The following TM7SF2 variants were observed in gnomAD, a reference collection of about 807,000 sequenced individuals.
TM7SF2 encodes delta(14)-sterol reductase TM7SF2.
In TM7SF2, 51 loss-of-function variants were observed where a neutral mutation model predicts 51.0. The observed-to-expected ratio is 1.00, with a 90% CI of 0.80 to 1.26. TM7SF2 has a LOEUF of 1.26. Ranked by LOEUF, TM7SF2 falls within the 50% of genes most tolerant of loss-of-function variation. The pLI, the probability that TM7SF2 is intolerant of heterozygous loss-of-function variation, is 0.00. For synonymous variants in TM7SF2, 255 were observed against 241.0 expected (o/e 1.06, Z -0.54); for missense variants, 541 against 547.4 (o/e 0.99, Z 0.12).
chr11:65,114,906 C>T lies in TM7SF2; in HGVS notation c.724-7C>T. The stretch of plus-strand genomic sequence containing the variant: ...TAAGCCAGTGTGTCTGGGTCTTGTC[C>T]CTGCAGGAGGCCGTCCTCACCACCA... On this transcript the variant is annotated splice_region_variant and splice_polypyrimidine_tract_variant and intron_variant, in intron 6 of 9. Coordinates refer to ENST00000279263, the MANE Select transcript of TM7SF2 (RefSeq NM_003273.6). 3 of 1,614,166 alleles carry T rather than the reference C, an allele frequency of 1.9e-6. No homozygotes were observed. The highest frequency in any genetic ancestry group is 2.5e-6 in the Non-Finnish European group (3 of 1,179,984).
chr11:65,115,158 C>T, intron 7 of TM7SF2, 77 bp downstream of exon 7: 2 of 1,591,918 alleles, frequency 1.3e-6, no homozygotes, highest in Non-Finnish European at 1.7e-6. Flanking sequence ...ACACGCACCA[C>T]CACATAGGTG....
chr11:65,114,567 G>A (rs912379770), intron 5 of TM7SF2, 146 bp from the exon 6 acceptor site: 17 of 1,023,664 alleles, frequency 1.7e-5, no homozygotes, highest in Non-Finnish European at 2.2e-5. Flanking sequence ...GCACCTCCCT[G>A]TCCACAGTCT....
chr11:65,114,883 A>G (rs747382183), intron 6 of TM7SF2, 30 bp from the exon 7 acceptor site: 2 of 1,614,178 alleles, frequency 1.2e-6, no homozygotes, highest in African/African-American at 2.7e-5. Flanking sequence ...ATAGGGACTA[A>G]GCCAGTGTGT....
intron 1 of TM7SF2, 192 bp from the exon 2 acceptor site, chr11:65,112,323 G>A (rs1416962816): frequency 2.7e-5 from 19 of 696,430 alleles, no homozygotes; most frequent in Non-Finnish European, 6.8e-6. Flanking sequence ...GGGGGCGGGG[G>A]ACTAAGATGG....
At position 65,114,821 on chromosome 11, in the gene TM7SF2, C is replaced by T. The variant is rs1258714589; in HGVS notation, c.712C>T (p.Leu238Phe). Residue 238 changes from leucine (L) to phenylalanine (F), a missense_variant, in exon 6 of 10, where the codon CTC (leucine) becomes TTC (phenylalanine). Transcript: ENST00000279263. The stretch of plus-strand genomic sequence containing the variant: ...CCAGTTGCTCTACGTGGGTGATGCC[C>T]TCTGGCACGAGGTGAGGCTGGACTG... ...GFQLLYVGDA[L>F]WHEEAVLTTM... The T allele has an allele frequency of 6.2e-7, 1 of 1,614,270 alleles. No homozygotes were observed. Among genetic ancestry groups the T allele is most frequent in the Admixed American group, 1.7e-5 (1 of 60,032 alleles).
At chr11:65,115,449 A>G in intron 8 of TM7SF2, 27 bp from the exon 9 acceptor site, 1 of 1,613,572 alleles carries the variant, frequency 6.2e-7, no homozygotes, top group Non-Finnish European at 8.5e-7. Context: ...CTTCCTGGGA[A>G]CTCTCCACCC....
intron 1 of TM7SF2, 41 bp downstream of exon 1, chr11:65,112,108 C>A: frequency 6.4e-7 from 1 of 1,562,998 alleles, no homozygotes; most frequent in Non-Finnish European, 8.7e-7. Flanking sequence ...AAAGGCTAAG[C>A]GAAGGAGAGC....
rs1234878335 is a variant in TM7SF2, at chr11:65,116,160, G to A, written c.*107G>A. The A allele has an allele frequency of 9.3e-6, 13 of 1,405,296 alleles. No individual in the cohort carries two copies. Among genetic ancestry groups the A allele is most frequent in the African/African-American group, 2.9e-5 (2 of 69,592 alleles). 87.1% of individuals were successfully genotyped at this position (1,405,296 alleles called of 1,614,324 possible). A position where few individuals can be genotyped will look rare whatever the true frequency, so the allele number is the denominator to read the frequency against. ...GACTCAAGGGCTTGCACCCCACCCA[G>A]CCCTGAGGATGAACAACCTCAGAGA... On this transcript the variant is annotated 3_prime_UTR_variant, in exon 10 of 10. Transcript: ENST00000279263.
Position 65,115,334 on chromosome 11 carries a change from C to T in TM7SF2, c.913C>T (p.Arg305Cys), listed in dbSNP as rs377189788. Reference protein sequence around the residue: ...LINATGYYIFRGANSQKNTFR... With the variant: ...LINATGYYIFCGANSQKNTFR... ...ACCAGCTACTGGTTACTACATCTTC[C>T]GTGGGGCGAATTCCCAGAAAAACAC... Residue 305 changes from arginine (R) to cysteine (C), a missense_variant, in exon 8 of 10, where the codon CGT (arginine) becomes TGT (cysteine). Transcript: ENST00000279263. The T allele has an allele frequency of 1.2e-5, 20 of 1,614,038 alleles. No individual in the cohort carries two copies. The highest frequency in any genetic ancestry group is 1.5e-5 in the Non-Finnish European group (18 of 1,180,028).
chr11:65,113,445 C>T, intron 4 of TM7SF2, 31 bp downstream of exon 4: 2 of 1,614,142 alleles, frequency 1.2e-6, no homozygotes, highest in Non-Finnish European at 1.7e-6. Context: ...GAGACGGAGG[C>T]AGATTGGGGC....
chr11:65,116,169 A>G lies in TM7SF2; in HGVS notation c.*116A>G. ...GCTTGCACCCCACCCAGCCCTGAGG[A>G]TGAACAACCTCAGAGAAGAGGTGGT... On this transcript the variant is annotated 3_prime_UTR_variant, in exon 10 of 10. Coordinates refer to ENST00000279263, the MANE Select transcript of TM7SF2 (RefSeq NM_003273.6). The G allele has an allele frequency of 7.4e-7, 1 of 1,347,794 alleles. No individual in the cohort carries two copies. The highest frequency in any genetic ancestry group is 1.0e-6 in the Non-Finnish European group (1 of 1,003,014). The allele number at this position is 1,347,794 out of a possible 1,614,324, so 83.5% of individuals were successfully genotyped here.
At position 65,113,526 on chromosome 11, in the gene TM7SF2, C is replaced by G. The variant is rs17850976; in HGVS notation, c.535C>G (p.Leu179Val). ...TTACGACTTTTTTCTGGGACGAGAG[C>G]TCAACCCTCGTATCTGTTTCTTCGA... ...PIYDFFLGRE[L>V]NPRICFFDFK... The change falls in exon 5 of 10, where the codon CTC (leucine) becomes GTC (valine). Residue 179 changes from leucine (L) to valine (V), a missense_variant. Leu to Val is a conservative substitution (Grantham distance 32). Transcript: ENST00000279263. 1 of 1,614,186 alleles carries G rather than the reference C, an allele frequency of 6.2e-7. No homozygotes were observed. The highest frequency in any genetic ancestry group is 8.5e-7 in the Non-Finnish European group (1 of 1,180,026).
rs1947966865 is a variant in TM7SF2 at position 65,115,474 on chromosome 11, A to C, written c.974-2A>C. 1 of 1,614,102 alleles carries C rather than the reference A, an allele frequency of 6.2e-7. No individual in the cohort carries two copies. Among genetic ancestry groups the C allele is most frequent in the African/African-American group, 1.3e-5 (1 of 75,024 alleles). On this transcript the variant is annotated splice_acceptor_variant, in intron 8 of 9. Transcript: ENST00000279263. LOFTEE classifies it high-confidence loss of function. ...ACTCTCCACCCTGCTGTCTTTCCCC[A>C]GGGCTTGAGACCATCTCTACAGCCA...
In TM7SF2 at chr11:65,115,587, C is replaced by T. The variant is rs1050479929; in HGVS notation, c.1085C>T (p.Ser362Phe). 4 of 1,613,888 alleles carry T rather than the reference C, an allele frequency of 2.5e-6. No individual in the cohort carries two copies. Among genetic ancestry groups the T allele is most frequent in the African/African-American group, 1.3e-5 (1 of 74,902 alleles). The change falls in exon 9 of 10, where the codon TCC (serine) becomes TTC (phenylalanine). Residue 362 changes from serine (S) to phenylalanine (F), a missense_variant. Transcript: ENST00000279263. ...LGDLIMALAW[S>F]LPCGVSHLLP... ...GACCTCATCATGGCTCTGGCTTGGT[C>T]CTTGCCCTGCGGTGAGTGGCCCATG...
chr11:65,113,811 G>T (rs186447026), intron 5 of TM7SF2: 59 of 592,086 alleles, frequency 1.0e-4, no homozygotes, highest in Admixed American at 7.0e-4. Flanking sequence ...CTACATTCTG[G>T]TGGGAAAGAC....
intron 2 of TM7SF2, 21 bp downstream of exon 2, chr11:65,112,732 C>G: frequency 1.9e-6 from 3 of 1,548,284 alleles, no homozygotes; most frequent in Non-Finnish European, 2.6e-6. Context: ...CGCTCGCGGA[C>G]GCTCGGGGGA....
rs1381534031 is a variant in TM7SF2, at chr11:65,111,986, G to A, written c.-30G>A. The A allele has an allele frequency of 7.6e-6, 12 of 1,568,906 alleles. No homozygotes were observed. The African/African-American group carries it at 1.2e-4, about 16-fold the overall frequency. On this transcript the variant is annotated 5_prime_UTR_variant, in exon 1 of 10. Transcript: ENST00000279263. The stretch of plus-strand genomic sequence containing the variant: ...GTGTTTCCTTGACTGACTATTGTGA[G>A]CGCCCTCTCTCTCCGGCGGAGCGGA...
intron 9 of TM7SF2, 92 bp downstream of exon 9, chr11:65,115,690 A>C: frequency 1.2e-6 from 2 of 1,604,480 alleles, no homozygotes; most frequent in Non-Finnish European, 1.7e-6. Flanking sequence ...TGCACCAGTG[A>C]GAGTAGTCAG....
chr11:65,112,954 C>A, intron 3 of TM7SF2, 89 bp downstream of exon 3: 1 of 1,462,698 alleles, frequency 6.8e-7, no homozygotes. Flanking sequence ...GATTGGCCCC[C>A]ACCCCAGGCT....
Sources: allele counts gnomAD v4.1 joint callset, GRCh38; gene constraint gnomAD v4.1.1; transcripts MANE v1.5; gene names NCBI Gene and HGNC (gene_info 2026-07-23, HGNC 2026-07-21).